The following PTPRO variants were observed in gnomAD, a reference collection of about 807,000 sequenced individuals.
PTPRO encodes receptor-type tyrosine-protein phosphatase O.
PTPRO carries 62 observed loss-of-function variants against 145.2 expected under a neutral mutation model. The ratio of observed to expected loss-of-function variants is 0.43; its 90% confidence interval spans 0.35 to 0.53. The LOEUF is 0.53. PTPRO is among the 20% of genes least tolerant of loss of function. PTPRO has a pLI of 0.01. For synonymous variants in PTPRO, 565 were observed against 514.7 expected, an observed-to-expected ratio of 1.10 and a Z score of -1.32; for missense variants, 1,345 against 1,482.7, an observed-to-expected ratio of 0.91 and a Z score of 1.53.
chr12:15,509,145 C>T (rs1183703236), intron 7 of PTPRO, among the ~76,000 whole-genome samples: 1 of 151,972 alleles, frequency 6.6e-6, no homozygotes, highest in African/African-American at 2.4e-5. Flanking sequence ...TGGAATAAGG[C>T]CTCAGCTTAA....
chr12:15,497,557 G>A (rs1034312888), intron 3 of PTPRO, among the ~76,000 whole-genome samples, 154 bp downstream of exon 3: 1 of 152,172 alleles, frequency 6.6e-6, no homozygotes, highest in Non-Finnish European at 1.5e-5. Flanking sequence ...TATGAAAATC[G>A]TGTTATGAGG....
chr12:15,398,182 A>T (rs1298074816), intron 1 of PTPRO, among the ~76,000 whole-genome samples: 1 of 152,182 alleles, frequency 6.6e-6, no homozygotes, highest in Admixed American at 6.5e-5. Context: ...TGCTAACAAC[A>T]TCATTAGGAG....
At chr12:15,350,471 A>G (rs56195914) in intron 1 of PTPRO, among the ~76,000 whole-genome samples, 34,735 of 152,024 alleles carry the variant, frequency 0.23, 4,279 homozygotes, top group Non-Finnish European at 0.29. Flanking sequence ...CTGCATATCA[A>G]TCAGTCAATT....
Position 15,594,945 on chromosome 12 carries a change from C to A in PTPRO, c.3555C>A (p.Tyr1185Ter). The A allele has an allele frequency of 6.2e-7, 1 of 1,613,204 alleles. No homozygotes were observed. Among genetic ancestry groups the A allele is most frequent in the Non-Finnish European group, 8.5e-7 (1 of 1,179,394 alleles). ...RMSMVQTEEQ[Y>*]IFIHQCVQLM... ...TTTGTCTTTTGTTCCAGGAGCAGTA[C>A]ATTTTTATCCATCAGTGTGTGCAAC... The change falls in exon 26 of 27, where the codon TAC (tyrosine) becomes TAA (stop). Residue 1185 changes from tyrosine (Y) to a stop codon, truncating the protein, a stop_gained. Coordinates refer to ENST00000281171, the MANE Select transcript of PTPRO (RefSeq NM_030667.3). LOFTEE classifies it high-confidence loss of function.
chr12:15,337,279 T>C (rs934973329), intron 1 of PTPRO: 2 of 152,190 alleles, frequency 1.3e-5, no homozygotes, highest in African/African-American at 4.8e-5. Flanking sequence ...ACAAATTTAC[T>C]AAAATTCAAC....
chr12:15,495,511 G>C (rs189287950), intron 2 of PTPRO, among the ~76,000 whole-genome samples: 209 of 151,890 alleles, frequency 1.4e-3, no homozygotes, highest in African/African-American at 4.9e-3. Flanking sequence ...TCAGCCTATA[G>C]ATGATGTCCA....
intron 15 of PTPRO, among the ~76,000 whole-genome samples, chr12:15,555,243 GA>G (rs955215423): frequency 8.0e-5 from 12 of 149,506 alleles, no homozygotes; most frequent in South Asian, 2.1e-4. Context: ...TCCGTCTCAG[GA>G]AAAAAAAAAT....
chr12:15,356,224 T>C (rs535224913), intron 1 of PTPRO, among the ~76,000 whole-genome samples: 1 of 152,358 alleles, frequency 6.6e-6, no homozygotes, highest in African/African-American at 2.4e-5. Context: ...CCATTTGATA[T>C]TGAACATTAT....
chr12:15,329,360 G>A (rs978740016), intron 1 of PTPRO, among the ~76,000 whole-genome samples: 2 of 152,162 alleles, frequency 1.3e-5, no homozygotes, highest in Admixed American at 6.5e-5. Flanking sequence ...TTGTATCTTC[G>A]GTCCTATCTG....
chr12:15,369,525 C>A (rs1479704729), intron 1 of PTPRO, among the ~76,000 whole-genome samples: 1 of 152,050 alleles, frequency 6.6e-6, no homozygotes, highest in Non-Finnish European at 1.5e-5. Context: ...AATTGATGGG[C>A]CATTAATTCA....
chr12:15,516,755 C>T lies in PTPRO; in HGVS notation c.1586-8C>T, dbSNP rs1267806392. ...TTCTTTTTCTACCCCCTGCCCTCTT[C>T]TTTCTAGTTCCCACAGGAATAAAGG... On this transcript the variant is annotated splice_region_variant and splice_polypyrimidine_tract_variant and intron_variant, in intron 8 of 26. Transcript: ENST00000281171. 1 of 1,597,834 alleles carries T rather than the reference C, an allele frequency of 6.3e-7. No individual in the cohort carries two copies. Among genetic ancestry groups the T allele is most frequent in the Non-Finnish European group, 8.6e-7 (1 of 1,165,332 alleles).
chr12:15,415,529 C>CG (rs1939938061), intron 1 of PTPRO, among the ~76,000 whole-genome samples: 1 of 151,546 alleles, frequency 6.6e-6, no homozygotes, highest in Non-Finnish European at 1.5e-5. Flanking sequence ...GGACTACAGG[C>CG]ACCTGCCACC....
intron 1 of PTPRO, among the ~76,000 whole-genome samples, chr12:15,380,582 T>G (rs1159190501): frequency 1.4e-4 from 21 of 152,290 alleles, no homozygotes. Flanking sequence ...CTACATTTGC[T>G]TGTTCAGAAA....
At chr12:15,354,114 T>A (rs1025456117) in intron 1 of PTPRO, among the ~76,000 whole-genome samples, 3 of 150,406 alleles carry the variant, frequency 2.0e-5, no homozygotes, top group Admixed American at 1.3e-4. Flanking sequence ...GGCACTAAAT[T>A]TTTTTTTAAA....
chr12:15,379,100 C>A (rs1031844257), intron 1 of PTPRO, among the ~76,000 whole-genome samples: 15 of 151,962 alleles, frequency 9.9e-5, no homozygotes, highest in African/African-American at 3.6e-4. Flanking sequence ...AATAGTATGG[C>A]CACTTCAGAA....
At chr12:15,516,714 A>G (rs751555033) in intron 8 of PTPRO, 49 bp from the exon 9 acceptor site, 2 of 1,507,066 alleles carry the variant, frequency 1.3e-6, no homozygotes, top group Non-Finnish European at 1.8e-6. Context: ...CATTGCTAAG[A>G]CATTCCTTCT....
chr12:15,505,966 A>G (rs999479370), intron 6 of PTPRO, among the ~76,000 whole-genome samples: 5 of 152,058 alleles, frequency 3.3e-5, no homozygotes, highest in African/African-American at 9.7e-5. Flanking sequence ...TATTACCCCC[A>G]TTTTTCACAT....
At chr12:15,569,599 C>A (rs2135605990) in intron 19 of PTPRO, 101 bp downstream of exon 19, 3 of 1,048,030 alleles carry the variant, frequency 2.9e-6, no homozygotes, top group Admixed American at 1.9e-5. Flanking sequence ...CAGTGCGTAA[C>A]AAAAAGGGTA....
intron 11 of PTPRO, 139 bp from the exon 12 acceptor site, chr12:15,526,003 C>T (rs201795386): frequency 1.7e-5 from 19 of 1,119,640 alleles, no homozygotes; most frequent in African/African-American, 6.2e-5. Context: ...GAAGATATAA[C>T]GTATCTATAA....
Sources: allele counts gnomAD v4.1 joint callset (sites outside exome capture counted in the v4.1 genomes callset), GRCh38; gene constraint gnomAD v4.1.1; transcripts MANE v1.5; gene names NCBI Gene and HGNC (gene_info 2026-07-23, HGNC 2026-07-21).